The following GALNS variants were observed in gnomAD, a reference collection of about 807,000 sequenced individuals.
GALNS encodes the protein N-acetylgalactosamine-6-sulfatase.
In GALNS, 65 loss-of-function variants were observed where a neutral mutation model predicts 65.9. That is an observed-to-expected ratio of 0.99 (90% CI 0.81 to 1.21). GALNS has a LOEUF of 1.21. Ranked by LOEUF, GALNS falls within the 50% of genes most tolerant of loss-of-function variation. The pLI is 0.00. For missense variants in GALNS, 776 were observed against 700.7 expected (o/e 1.11, Z -1.21); for synonymous variants, 346 against 288.9 (o/e 1.20, Z -2.00).
At position 88,841,970 on chromosome 16, in the gene GALNS, C is replaced by T. The variant is rs370437841; in HGVS notation, c.246G>A (p.Ser82=). ...GCCGTCCTGTGAGCAGTGCCGCCCT[C>T]GCTATGTGGAGGTGACAGAAACAGA... The part of the protein sequence containing the change: ...FYSANPLCSP[S]RAALLTGRLP... The change falls in exon 3 of 14, where the codon TCG becomes TCA. Residue 82 remains serine (S), a splice_region_variant and synonymous_variant. Transcript: ENST00000268695. The T allele has an allele frequency of 1.3e-5, 21 of 1,611,802 alleles. No homozygotes were observed. The highest frequency in any genetic ancestry group is 8.8e-5 in the South Asian group (8 of 90,548).
At chr16:88,846,509 CTTTTTTTTTTTTT>C (rs59223444) in intron 1 of GALNS, among the ~76,000 whole-genome samples, 1 of 88,696 alleles carries the variant, frequency 1.1e-5, no homozygotes, top group East Asian at 3.6e-4. Context: ...GCGTTTCTGG[CTTTTTTTTTTTTT>C]TTTTTTTTTT....
intron 1 of GALNS, chr16:88,855,842 G>A (rs1043839117): frequency 4.0e-6 from 2 of 502,332 alleles, no homozygotes; most frequent in South Asian, 2.3e-5. Flanking sequence ...GTCTCTGCTG[G>A]TCGGAGCCAG....
intron 4 of GALNS, among the ~76,000 whole-genome samples, chr16:88,839,558 G>A (rs74837608): frequency 0.052 from 7,874 of 152,328 alleles, 248 homozygotes; most frequent in Middle Eastern, 0.15. Context: ...TTTGAGTCCA[G>A]GTGAGGGGCC....
chr16:88,818,050 A>T lies in GALNS; in HGVS notation c.1439T>A (p.Val480Asp). Reference protein sequence around the residue: ...SVVQQHQEALVPAQPQLNVCN... With the variant: ...SVVQQHQEALDPAQPQLNVCN... ...CACGTTGAGCTGGGGCTGCGCGGGGACCAAGGCCTCCTGGTGCTGCTGGAC... is the reference window on the plus strand; with the variant it reads ...CACGTTGAGCTGGGGCTGCGCGGGGTCCAAGGCCTCCTGGTGCTGCTGGAC... Residue 480 changes from valine (V) to aspartate (D), a missense_variant, in exon 13 of 14, where the codon GTC becomes GAC. Coordinates refer to ENST00000268695, the MANE Select transcript of GALNS (RefSeq NM_000512.5). 6.3e-7 allele frequency: 1 copy of T among 1,582,864 alleles called. No individual in the cohort carries two copies. The highest frequency in any genetic ancestry group is 8.6e-7 in the Non-Finnish European group (1 of 1,169,522).
intron 4 of GALNS, among the ~76,000 whole-genome samples, chr16:88,839,355 C>G (rs766473348): frequency 6.6e-6 from 1 of 152,258 alleles, no homozygotes; most frequent in Non-Finnish European, 1.5e-5. Context: ...GCACAAAGGC[C>G]TTGCTCAGGG....
chr16:88,839,151 C>A (rs572090406), intron 4 of GALNS, among the ~76,000 whole-genome samples: 1 of 151,172 alleles, frequency 6.6e-6, no homozygotes, highest in African/African-American at 2.4e-5. Flanking sequence ...GACACTCGTG[C>A]GCCCACGTCC....
At chr16:88,835,450 TCATAACTTCACAGAC>T (rs1912022703) in intron 7 of GALNS, 98 bp from the exon 8 acceptor site, 1 of 1,495,562 alleles carries the variant, frequency 6.7e-7, no homozygotes, top group African/African-American at 1.4e-5. Flanking sequence ...GTTCATTAAA[TCATAACTTCACAGAC>T]CACAGTGAAA....
At chr16:88,827,563 C>CA (rs1911062233) in intron 9 of GALNS, among the ~76,000 whole-genome samples, 1 of 152,202 alleles carries the variant, frequency 6.6e-6, no homozygotes, top group African/African-American at 2.4e-5. Flanking sequence ...TCTCCTGACT[C>CA]AGTCTCCCGA....
rs556283159 is a variant in GALNS at position 88,856,909 on chromosome 16, G to C, written c.-32C>G. On this transcript the variant is annotated 5_prime_UTR_variant, in exon 1 of 14. Coordinates refer to ENST00000268695, the MANE Select transcript of GALNS (RefSeq NM_000512.5). The stretch of plus-strand genomic sequence containing the variant: ...CACGGGAGCCGCGGAGCCCCGGCCA[G>C]CGAGCCGACCTAGCGAGCGTCCGCC... 3.9e-5 allele frequency: 58 copies of C among 1,497,752 alleles called. No homozygotes were observed. In the Middle Eastern group the frequency reaches 1.1e-3, roughly 30 times the overall value. 92.8% of individuals were successfully genotyped at this position (1,497,752 alleles called of 1,614,324 possible). A position where few individuals can be genotyped will look rare whatever the true frequency, so the allele number is the denominator to read the frequency against.
At chr16:88,817,948 C>G in intron 13 of GALNS, 59 bp downstream of exon 13, 2 of 1,381,014 alleles carry the variant, frequency 1.4e-6, no homozygotes, top group South Asian at 1.2e-5. Flanking sequence ...CATCCTGGGC[C>G]CCGGGTGGGT....
chr16:88,822,813 G>T, intron 11 of GALNS, 103 bp from the exon 12 acceptor site: 1 of 1,508,012 alleles, frequency 6.6e-7, no homozygotes, highest in Non-Finnish European at 8.9e-7. Flanking sequence ...GCCGTGAGGG[G>T]CCTTGTCTGC....
rs943597422 is a variant in GALNS, at chr16:88,814,594, C to T, written c.1483-69G>A. Reference sequence around the variant, plus strand: ...CTCTTCTGGACCCAGCAGCAGCGGGCATTTTGTTGTTGCTGTTCTGAGACA... The same window carrying T: ...CTCTTCTGGACCCAGCAGCAGCGGGTATTTTGTTGTTGCTGTTCTGAGACA... On this transcript the variant is annotated intron_variant, in intron 13 of 13. Transcript: ENST00000268695. The T allele has an allele frequency of 1.7e-5, 27 of 1,546,652 alleles. No individual in the cohort carries two copies. The Middle Eastern group carries it at 1.0e-3, about 60-fold the overall frequency.
intron 11 of GALNS, among the ~76,000 whole-genome samples, chr16:88,824,293 C>G (rs977954156): frequency 2.0e-5 from 3 of 152,064 alleles, no homozygotes; most frequent in Non-Finnish European, 4.4e-5. Context: ...GCTGACAATG[C>G]TGGGGTAGCC....
intron 8 of GALNS, 25 bp from the exon 9 acceptor site, chr16:88,832,126 G>T (rs1279237103): frequency 6.3e-7 from 1 of 1,597,026 alleles, no homozygotes; most frequent in Non-Finnish European, 8.6e-7. Flanking sequence ...CCCTTGTCAG[G>T]CCACTGGGAC....
At chr16:88,817,874 G>C (rs554742849) in intron 13 of GALNS, 133 bp downstream of exon 13, 13 of 802,960 alleles carry the variant, frequency 1.6e-5, no homozygotes, top group Non-Finnish European at 2.7e-5. Flanking sequence ...TCTGAGGCAC[G>C]AGGGCCTCAC....
At chr16:88,843,048 C>T (rs1192303790) in intron 1 of GALNS, 7 of 1,520,974 alleles carry the variant, frequency 4.6e-6, no homozygotes, top group Admixed American at 2.0e-5. Context: ...CGCCTGCGTG[C>T]GTGCACGATG....
At position 88,822,578 on chromosome 16, in the gene GALNS, CACCGACTCACCTGAGGGGGA is replaced by C; in HGVS notation, c.1355_1364+10del. 6.2e-7 allele frequency: 1 copy of C among 1,612,360 alleles called. No individual in the cohort carries two copies. The highest frequency in any genetic ancestry group is 8.5e-7 in the Non-Finnish European group (1 of 1,179,682). On this transcript the variant is annotated splice_donor_variant and splice_donor_5th_base_variant and coding_sequence_variant and intron_variant, in exon 12 of 14. Transcript: ENST00000268695. LOFTEE classifies it high-confidence loss of function. ...CTGCCTCAGCAGCCAGGAGGCCCTG[CACCGACTCACCTGAGGGGGA>C]ACCTCTCCCCTGGGTCCCGTCCCAG...
intron 5 of GALNS, among the ~76,000 whole-genome samples, chr16:88,836,814 G>A (rs961317330): frequency 2.0e-5 from 3 of 152,186 alleles, no homozygotes; most frequent in African/African-American, 7.2e-5. Flanking sequence ...GGGGAATGGG[G>A]CTGAGGGCAC....
Position 88,818,035 on chromosome 16 carries a change from T to A in GALNS, c.1454A>T (p.Gln485Leu), listed in dbSNP as rs1196619081. Residue 485 changes from glutamine (Q) to leucine (L), a missense_variant, in exon 13 of 14, where the codon CAG becomes CTG. Transcript: ENST00000268695. ...GACCGCCCAGTTGCACACGTTGAGC[T>A]GGGGCTGCGCGGGGACCAAGGCCTC... Reference protein sequence around the residue: ...HQEALVPAQPQLNVCNWAVMN... With the variant: ...HQEALVPAQPLLNVCNWAVMN... 1.3e-6 allele frequency: 2 copies of A among 1,583,072 alleles called. No homozygotes were observed. The highest frequency in any genetic ancestry group is 4.6e-5 in the East Asian group (2 of 43,374).
Sources: gnomAD v4.1 joint callset for allele counts (sites outside exome capture counted in the v4.1 genomes callset) on GRCh38, gnomAD v4.1.1 for gene constraint, MANE v1.5 for transcripts, NCBI Gene and HGNC (gene_info 2026-07-23, HGNC 2026-07-21) for gene names.